Variants in SRGAP1 observed in about 807,000 individuals in gnomAD.
SRGAP1 encodes SLIT-ROBO Rho GTPase activating protein 1.
A neutral mutation model predicts 121.9 loss-of-function variants in SRGAP1; 43 were observed. That is an observed-to-expected ratio of 0.35 (90% CI 0.28 to 0.46). SRGAP1 has a LOEUF of 0.46. Ranked by LOEUF, SRGAP1 falls within the 20% of genes least tolerant of loss-of-function variation. The probability of loss-of-function intolerance (pLI) is 1.00; values close to 1 mark genes in which losing one functional copy is unlikely to be tolerated. For missense variants in SRGAP1, 1,102 were observed against 1,350.9 expected, an observed-to-expected ratio of 0.82 and a Z score of 2.89; for synonymous variants, 447 against 485.4, an observed-to-expected ratio of 0.92 and a Z score of 1.04.
At position 63,984,071 on chromosome 12, in the gene SRGAP1, C is replaced by T. The variant is rs375818045; in HGVS notation, c.192C>T (p.Ser64=). The T allele has an allele frequency of 6.8e-5, 105 of 1,547,736 alleles. No homozygotes were observed. The highest frequency in any genetic ancestry group is 8.9e-5 in the Non-Finnish European group (102 of 1,139,808). ...RKKAEIETEY[S]RNLEKLAERF... is the part of the protein sequence containing the mutation. ...AAGCTGAAATTGAGACGGAATATTC[C>T]CGGAATCTAGAGAAGTTAGCAGAAA... Residue 64 remains serine, a synonymous_variant, in exon 2 of 22, where the codon TCC becomes TCT. Transcript: ENST00000355086.
At chr12:63,925,816 AG>A (rs1436767607) in intron 1 of SRGAP1, among the ~76,000 whole-genome samples, 3 of 152,172 alleles carry the variant, frequency 2.0e-5, no homozygotes, top group Non-Finnish European at 2.9e-5. Context: ...GGGAAGCTGT[AG>A]GTTTCCTATG....
chr12:64,058,772 C>G (rs2035391334), intron 6 of SRGAP1, among the ~76,000 whole-genome samples: 1 of 151,206 alleles, frequency 6.6e-6, no homozygotes, highest in South Asian at 2.1e-4. Flanking sequence ...AACCAAGTAT[C>G]TTGAATCTTA....
intron 1 of SRGAP1, among the ~76,000 whole-genome samples, chr12:63,963,247 G>A (rs1771053756): frequency 6.6e-6 from 1 of 152,074 alleles, no homozygotes; most frequent in South Asian, 2.1e-4. Context: ...AAATATGAGT[G>A]TTACTACTTT....
chr12:64,039,670 C>A (rs2034976330), intron 4 of SRGAP1, among the ~76,000 whole-genome samples: 1 of 42,828 alleles, frequency 2.3e-5, no homozygotes, highest in African/African-American at 6.2e-5. Context: ...TACACCCTCT[C>A]ATTTTAAGAT....
chr12:64,014,273 CTT>C (rs2034339934), intron 3 of SRGAP1, among the ~76,000 whole-genome samples: 2 of 152,132 alleles, frequency 1.3e-5, no homozygotes, highest in African/African-American at 2.4e-5. Flanking sequence ...TGCAGACAAA[CTT>C]TATATATTTC....
intron 3 of SRGAP1, among the ~76,000 whole-genome samples, chr12:63,999,803 T>C (rs192475881): frequency 6.6e-6 from 1 of 152,214 alleles, no homozygotes; most frequent in East Asian, 1.9e-4. Flanking sequence ...CTTCCACCTT[T>C]GGCAGGTCAT....
rs1422998162 is a variant in SRGAP1 at position 64,111,937 on chromosome 12, G to A, written c.2095G>A (p.Glu699Lys). ...HHETIFPDAK[E>K]LDGPVYEKCM... Reference sequence around the variant, plus strand: ...TGAGACTATTTTCCCAGATGCTAAAGAGCTGGATGGCCCTGTTTATGAGAA... The same window carrying A: ...TGAGACTATTTTCCCAGATGCTAAAAAGCTGGATGGCCCTGTTTATGAGAA... Residue 699 changes from glutamate (E) to lysine (K), a missense_variant, in exon 17 of 22, where the codon GAG becomes AAG. This residue lies in a region of SRGAP1 where 747 missense variants were observed against 929.4 expected (regional missense o/e 0.80). Transcript: ENST00000355086. The A allele has an allele frequency of 1.2e-6, 2 of 1,613,932 alleles. No homozygotes were observed. The highest frequency in any genetic ancestry group is 1.3e-5 in the African/African-American group (1 of 75,010).
In SRGAP1 at chr12:64,156,092, C is replaced by G. The variant is rs2037162360; in HGVS notation, c.*13420C>G. 2 of 152,330 alleles carry G rather than the reference C, an allele frequency of 1.3e-5. No individual in the cohort carries two copies. Among genetic ancestry groups the G allele is most frequent in the South Asian group, 4.1e-4 (2 of 4,828 alleles). 9.4% of individuals were successfully genotyped at this position (152,330 alleles called of 1,614,324 possible). A position where few individuals can be genotyped will look rare whatever the true frequency, so the allele number is the denominator to read the frequency against. Reference sequence around the variant, plus strand: ...AGAAATTATCTCTTGTAAAATCACACAGCTAACAATTGAGCCAGTATCTGG... The same window carrying G: ...AGAAATTATCTCTTGTAAAATCACAGAGCTAACAATTGAGCCAGTATCTGG... On this transcript the variant is annotated 3_prime_UTR_variant, in exon 22 of 22. Coordinates refer to ENST00000355086, the MANE Select transcript of SRGAP1 (RefSeq NM_020762.4).
At chr12:64,089,586 G>A (rs2036010609) in intron 11 of SRGAP1, among the ~76,000 whole-genome samples, 1 of 152,188 alleles carries the variant, frequency 6.6e-6, no homozygotes. Context: ...TTTGGTGGTT[G>A]GTTGTTTTGT....
chr12:64,023,873 C>G (rs2034600922), intron 4 of SRGAP1, among the ~76,000 whole-genome samples: 1 of 152,180 alleles, frequency 6.6e-6, no homozygotes, highest in Non-Finnish European at 1.5e-5. Context: ...ATAATTAGCT[C>G]AGGATCATAC....
At chr12:63,924,808 G>A (rs1165122125) in intron 1 of SRGAP1, among the ~76,000 whole-genome samples, 1 of 152,198 alleles carries the variant, frequency 6.6e-6, no homozygotes, top group African/African-American at 2.4e-5. Context: ...AATAAAATGT[G>A]TGAGTGTCTC....
chr12:63,911,724 A>T (rs372114829), intron 1 of SRGAP1, among the ~76,000 whole-genome samples: 1 of 152,192 alleles, frequency 6.6e-6, no homozygotes, highest in Non-Finnish European at 1.5e-5. Flanking sequence ...CATCACCCCG[A>T]TTACATTGCT....
intron 3 of SRGAP1, among the ~76,000 whole-genome samples, chr12:63,998,431 C>A (rs2033777560): frequency 6.6e-6 from 1 of 152,110 alleles, no homozygotes; most frequent in Non-Finnish European, 1.5e-5. Context: ...CTTCACAGGT[C>A]AGCTAGGAGG....
At chr12:63,932,393 A>G (rs2136339636) in intron 1 of SRGAP1, among the ~76,000 whole-genome samples, 1 of 152,318 alleles carries the variant, frequency 6.6e-6, no homozygotes, top group East Asian at 1.9e-4. Context: ...GATCGTCTAA[A>G]CTTACTTTAG....
rs1427966940 is a variant in SRGAP1, at chr12:64,131,607, T to A, written c.2880+3407T>A. Among the ~76,000 whole-genome samples, 4 of 152,296 alleles carry A rather than the reference T, an allele frequency of 2.6e-5. No homozygotes were observed. The South Asian group carries it at 8.3e-4, about 32-fold the overall frequency. On this transcript the variant is annotated intron_variant, in intron 21 of 21. Transcript: ENST00000355086. ...CTTCTCTTCCTCTGTCAAGTGATCA[T>A]AGGGAACTCCCCATGAGGCCATCAG...
intron 1 of SRGAP1, among the ~76,000 whole-genome samples, chr12:63,960,636 C>T (rs909982624): frequency 6.6e-6 from 1 of 152,132 alleles, no homozygotes; most frequent in African/African-American, 2.4e-5. Context: ...TGAACATCAC[C>T]TTATATGGCA....
chr12:64,105,542 G>A (rs368139054), intron 15 of SRGAP1, among the ~76,000 whole-genome samples: 1 of 152,240 alleles, frequency 6.6e-6, no homozygotes, highest in African/African-American at 2.4e-5. Context: ...CCAGCACTTC[G>A]GGAGGCTGAG....
At chr12:63,981,580 T>A (rs2033247681) in intron 1 of SRGAP1, among the ~76,000 whole-genome samples, 1 of 152,236 alleles carries the variant, frequency 6.6e-6, no homozygotes, top group Non-Finnish European at 1.5e-5. Context: ...GCAAACATGC[T>A]GATTATAATA....
intron 1 of SRGAP1, among the ~76,000 whole-genome samples, chr12:63,885,840 G>T (rs537422418): frequency 1.3e-5 from 2 of 152,298 alleles, no homozygotes; most frequent in South Asian, 4.1e-4. Context: ...ATGGATGAAT[G>T]CCTACACACA....
Sources: gnomAD v4.1 joint callset for allele counts (sites outside exome capture counted in the v4.1 genomes callset) on GRCh38, gnomAD v4.1.1 for gene constraint, gnomAD v4.1.1 regional missense constraint, MANE v1.5 for transcripts, NCBI Gene and HGNC (gene_info 2026-07-23, HGNC 2026-07-21) for gene names.